The following DPY19L2 variants were observed in gnomAD, a reference collection of about 807,000 sequenced individuals.
DPY19L2 encodes the protein probable C-mannosyltransferase DPY19L2.
A neutral mutation model predicts 97.9 loss-of-function variants in DPY19L2; 34 were observed. That is an observed-to-expected ratio of 0.35 (90% CI 0.26 to 0.46). DPY19L2 has a LOEUF of 0.46. Ranked by LOEUF, DPY19L2 falls within the 20% of genes least tolerant of loss-of-function variation. The pLI is 1.00. For missense variants in DPY19L2, 623 were observed against 911.4 expected (o/e 0.68, Z 4.07); for synonymous variants, 230 against 307.9 (o/e 0.75, Z 2.65).
chr12:63,665,953 A>G, intron 1 of DPY19L2, 94 bp from the exon 2 acceptor site: 1 of 1,128,820 alleles, frequency 8.9e-7, no homozygotes, highest in South Asian at 1.5e-5. Context: ...TTACATGTCT[A>G]GAAAGATAGC....
chr12:63,576,658 GAGAA>G (rs998525895), intron 19 of DPY19L2, among the ~76,000 whole-genome samples: 1 of 151,704 alleles, frequency 6.6e-6, no homozygotes, highest in Non-Finnish European at 1.5e-5. Flanking sequence ...AGAACAACCT[GAGAA>G]AGAAAATTTA....
At chr12:63,584,125 A>C in intron 16 of DPY19L2, 1 of 330,180 alleles carries the variant, frequency 3.0e-6, no homozygotes. Context: ...TAATAAATGA[A>C]TAGGATGACC....
chr12:63,655,733 T>C (rs1317569311), intron 4 of DPY19L2, among the ~76,000 whole-genome samples: 1 of 138,512 alleles, frequency 7.2e-6, no homozygotes, highest in East Asian at 2.4e-4. Context: ...ATAGGGGAGA[T>C]AAGGAAGGGT....
At chr12:63,651,077 T>C (rs911579902) in intron 4 of DPY19L2, among the ~76,000 whole-genome samples, 2 of 151,944 alleles carry the variant, frequency 1.3e-5, no homozygotes, top group African/African-American at 4.8e-5. Flanking sequence ...TGGAACAGAA[T>C]AGAGAGCCCA....
At chr12:63,606,779 T>A (rs2137632121) in intron 12 of DPY19L2, among the ~76,000 whole-genome samples, 1 of 152,270 alleles carries the variant, frequency 6.6e-6, no homozygotes, top group South Asian at 2.1e-4. Context: ...CCATTTCCCT[T>A]CTTGTAATGA....
chr12:63,582,365 A>G, intron 18 of DPY19L2, 41 bp downstream of exon 18: 2 of 1,592,878 alleles, frequency 1.3e-6, no homozygotes, highest in Non-Finnish European at 1.7e-6. Flanking sequence ...TATAGCTGCT[A>G]TAGTTTTTAT....
chr12:63,660,206 C>T (rs1217206734), intron 4 of DPY19L2, among the ~76,000 whole-genome samples: 1 of 151,902 alleles, frequency 6.6e-6, no homozygotes, highest in Non-Finnish European at 1.5e-5. Flanking sequence ...TGCACATATA[C>T]AGAAGGAAAC....
chr12:63,593,737 A>G (rs533274404), intron 16 of DPY19L2, among the ~76,000 whole-genome samples: 1 of 152,188 alleles, frequency 6.6e-6, no homozygotes, highest in Non-Finnish European at 1.5e-5. Context: ...ACATGTATAC[A>G]TATGTAACTA....
At chr12:63,653,598 A>G (rs949145421) in intron 4 of DPY19L2, among the ~76,000 whole-genome samples, 5 of 152,042 alleles carry the variant, frequency 3.3e-5, no homozygotes, top group African/African-American at 1.2e-4. Flanking sequence ...AAAAAGAAAT[A>G]ATGACTGGAC....
rs7342303 is a variant in DPY19L2, at chr12:63,580,963, G to A, written c.1726-127C>T. 0.012 allele frequency: 11,371 copies of A among 936,516 alleles called. 784 individuals carry two copies. The African/African-American group carries it at 0.17, about 14-fold the overall frequency. The allele number at this position is 936,516 out of a possible 1,614,324, so 58.0% of individuals were successfully genotyped here. ...TTTGATATCAGCACACATGTATACA[G>A]AATTATCATCTCCGATTGTTTCTAA... is the stretch of plus-strand genomic sequence containing the variant. On this transcript the variant is annotated intron_variant, in intron 18 of 21. Transcript: ENST00000324472.
intron 9 of DPY19L2, among the ~76,000 whole-genome samples, chr12:63,620,852 T>G (rs1888577359): frequency 6.6e-6 from 1 of 152,106 alleles, no homozygotes; most frequent in African/African-American, 2.4e-5. Flanking sequence ...ATGTGGTACA[T>G]ATACACCACG....
At chr12:63,562,557 C>T (rs12582252) in intron 21 of DPY19L2, among the ~76,000 whole-genome samples, 4,788 of 152,094 alleles carry the variant, frequency 0.031, 375 homozygotes, top group East Asian at 0.27. Flanking sequence ...GTATGTTTAA[C>T]GTTTTACAAA....
At chr12:63,563,439 C>T (rs1221168478) in intron 21 of DPY19L2, among the ~76,000 whole-genome samples, 2 of 152,112 alleles carry the variant, frequency 1.3e-5, no homozygotes, top group Non-Finnish European at 2.9e-5. Context: ...TCCTAGTTTG[C>T]TGAGGGTTTT....
At chr12:63,571,360 T>C (rs1037982970) in intron 19 of DPY19L2, among the ~76,000 whole-genome samples, 4 of 152,192 alleles carry the variant, frequency 2.6e-5, no homozygotes, top group Non-Finnish European at 5.9e-5. Flanking sequence ...TGCCCAAGAC[T>C]GTACAGCTAG....
At chr12:63,641,037 C>T (rs1288783356) in intron 6 of DPY19L2, among the ~76,000 whole-genome samples, 1 of 151,948 alleles carries the variant, frequency 6.6e-6, no homozygotes, top group Admixed American at 6.6e-5. Context: ...GGACTACAGG[C>T]GCCCGCCACC....
chr12:63,590,347 T>G (rs1396132565), intron 16 of DPY19L2, among the ~76,000 whole-genome samples: 1 of 152,124 alleles, frequency 6.6e-6, no homozygotes, highest in Non-Finnish European at 1.5e-5. Flanking sequence ...TTTCTCAGTT[T>G]TAACAAATTC....
intron 11 of DPY19L2, among the ~76,000 whole-genome samples, chr12:63,610,873 A>C (rs1477882274): frequency 1.9e-5 from 2 of 106,412 alleles, no homozygotes; most frequent in African/African-American, 6.4e-5. Flanking sequence ...AAAAAAAAAA[A>C]AACCACACAC....
intron 6 of DPY19L2, among the ~76,000 whole-genome samples, chr12:63,626,898 G>C (rs570350805): frequency 2.2e-4 from 34 of 152,034 alleles, no homozygotes; most frequent in African/African-American, 8.2e-4. Flanking sequence ...CCTGCCTCAG[G>C]CTCCCAAGTA....
At chr12:63,623,944 T>TCC (rs1889116508) in intron 8 of DPY19L2, 96 bp downstream of exon 8, 1 of 894,766 alleles carries the variant, frequency 1.1e-6, no homozygotes, top group South Asian at 1.4e-5. Context: ...CCTCAAGTGA[T>TCC]CCACCCACCT....
Sources: gnomAD v4.1 joint callset for allele counts (sites outside exome capture counted in the v4.1 genomes callset) on GRCh38, gnomAD v4.1.1 for gene constraint, MANE v1.5 for transcripts, NCBI Gene and HGNC (gene_info 2026-07-23, HGNC 2026-07-21) for gene names.